FSIP2: variants seen among roughly 807,000 people sequenced by gnomAD.
The protein encoded by FSIP2 is fibrous sheath interacting protein 2, also known as fibrous sheath-interacting protein 2.
In FSIP2, 367 loss-of-function variants were observed where a neutral mutation model predicts 510.5. That is an observed-to-expected ratio of 0.72 (90% CI 0.66 to 0.78). FSIP2 has a LOEUF of 0.78. Ranked by LOEUF, FSIP2 falls within the 30% of genes least tolerant of loss-of-function variation. FSIP2 has a pLI of 0.00. For synonymous variants in FSIP2, 2,601 were observed against 2,732.2 expected, an observed-to-expected ratio of 0.95 and a Z score of 1.50; for missense variants, 7,594 against 7,901.7, an observed-to-expected ratio of 0.96 and a Z score of 1.48.
intron 7 of FSIP2, among the ~76,000 whole-genome samples, chr2:185,748,105 T>C (rs1692070792): frequency 6.6e-6 from 1 of 151,980 alleles, no homozygotes; most frequent in African/African-American, 2.4e-5. Context: ...TTGGTTTGTA[T>C]TGACATATAC....
intron 3 of FSIP2, 44 bp downstream of exon 3, chr2:185,743,338 A>T (rs996550967): frequency 7.5e-7 from 1 of 1,325,488 alleles, no homozygotes; most frequent in Non-Finnish European, 1.0e-6. Flanking sequence ...GAAACCCTTT[A>T]AAACTTGATA....
rs1221972257 is a variant in FSIP2 at position 185,799,895 on chromosome 2, T to C, written c.10589T>C (p.Ile3530Thr). Residue 3530 changes from isoleucine to threonine, a missense_variant, in exon 17 of 23, where the codon ATT becomes ACT. Physicochemically the swap from Ile to Thr is moderately conservative, Grantham distance 89. Coordinates refer to ENST00000424728, the MANE Select transcript of FSIP2 (RefSeq NM_173651.4). ...AGAGAAAAAGAGAAAGCATGGGAAA[T>C]TCAAGAAGCAACATTTAGCAAGATT... ...KGREKEKAWE[I>T]QEATFSKIIS... 6.5e-7 allele frequency: 1 copy of C among 1,533,760 alleles called. No individual in the cohort carries two copies. The highest frequency in any genetic ancestry group is 1.2e-5 in the South Asian group (1 of 83,858).
In FSIP2 at chr2:185,808,673, G is replaced by C. The variant is rs369562021; in HGVS notation, c.19367G>C (p.Ser6456Thr). 12 of 1,607,314 alleles carry C rather than the reference G, an allele frequency of 7.5e-6. No homozygotes were observed. The highest frequency in any genetic ancestry group is 1.0e-5 in the Non-Finnish European group (12 of 1,177,476). ...ACAGCCTTTCCTAAAAAAGTGGCTA[G>C]TTTAATTATTGATGGAGTTTCAAGT... ...TNTAFPKKVA[S>T]LIIDGVSSFP... The change falls in exon 17 of 23, where the codon AGT becomes ACT. Residue 6456 changes from serine to threonine, a missense_variant. Physicochemically the swap from Ser to Thr is moderately conservative, Grantham distance 58. Transcript: ENST00000424728.
In FSIP2 at chr2:185,791,514, C is replaced by A. The variant is rs530869525; in HGVS notation, c.4378C>A (p.Gln1460Lys). Residue 1460 changes from glutamine (Q) to lysine (K), a missense_variant, in exon 16 of 23, where the codon CAA (glutamine) becomes AAA (lysine). Transcript: ENST00000424728. ...THLHSQLSCS[Q>K]QSREMTNKNQ... ...TCTTCATTCTCAGCTATCTTGTAGTCAACAAAGCAGAGAGATGACCAATAA... is the reference window on the plus strand; with the variant it reads ...TCTTCATTCTCAGCTATCTTGTAGTAAACAAAGCAGAGAGATGACCAATAA... 6.5e-7 allele frequency: 1 copy of A among 1,534,320 alleles called. No homozygotes were observed. Among genetic ancestry groups the A allele is most frequent in the South Asian group, 1.2e-5 (1 of 84,012 alleles).
At chr2:185,739,301 T>C (rs1044529166) in intron 1 of FSIP2, 45 bp from the exon 2 acceptor site, 33 of 1,490,426 alleles carry the variant, frequency 2.2e-5, no homozygotes, top group East Asian at 5.0e-5. Context: ...ACTAAACTAA[T>C]ACTGCCTAAA....
At chr2:185,817,078 T>C (rs902975210) in intron 19 of FSIP2, among the ~76,000 whole-genome samples, 1 of 151,856 alleles carries the variant, frequency 6.6e-6, no homozygotes, top group Non-Finnish European at 1.5e-5. Flanking sequence ...TTAAAAAAAA[T>C]CTGTGAAGTT....
At chr2:185,770,744 A>T (rs979907597) in intron 13 of FSIP2, among the ~76,000 whole-genome samples, 1 of 152,192 alleles carries the variant, frequency 6.6e-6, no homozygotes, top group Admixed American at 6.6e-5. Context: ...CCTTCCCAAT[A>T]GTCCCCCCAA....
Position 185,791,494 on chromosome 2 carries a change from A to C in FSIP2, c.4358A>C (p.His1453Pro), listed in dbSNP as rs1425134502. 3.3e-6 allele frequency: 5 copies of C among 1,534,356 alleles called. No homozygotes were observed. In the East Asian group the frequency reaches 1.2e-4, roughly 38 times the overall value. The change falls in exon 16 of 23, where the codon CAT (histidine) becomes CCT (proline). Residue 1453 changes from histidine to proline, a missense_variant. His to Pro is a moderately conservative substitution (Grantham distance 77). Transcript: ENST00000424728. Reference sequence around the variant, plus strand: ...AGCAAGCTCCTGGGGACCCATCTTCATTCTCAGCTATCTTGTAGTCAACAA... The same window carrying C: ...AGCAAGCTCCTGGGGACCCATCTTCCTTCTCAGCTATCTTGTAGTCAACAA... Reference protein sequence around the residue: ...MLSKLLGTHLHSQLSCSQQSR... With the variant: ...MLSKLLGTHLPSQLSCSQQSR...
At position 185,802,669 on chromosome 2, in the gene FSIP2, C is replaced by T; in HGVS notation, c.13363C>T (p.Gln4455Ter). The part of the protein sequence containing the change: ...SNISKSTEPS[Q>*]SVPLYNTLLP... ...CATCAGTAAATCTACTGAGCCAAGC[C>T]AGAGTGTACCTCTATATAACACCTT... The change falls in exon 17 of 23, where the codon CAG (glutamine) becomes TAG (stop). Residue 4455 changes from glutamine to a stop codon, truncating the protein, a stop_gained. Transcript: ENST00000424728. LOFTEE classifies it high-confidence loss of function. 6.5e-7 allele frequency: 1 copy of T among 1,533,554 alleles called. No homozygotes were observed. Among genetic ancestry groups the T allele is most frequent in the Non-Finnish European group, 8.7e-7 (1 of 1,145,274 alleles). 95.0% of individuals were successfully genotyped at this position (1,533,554 alleles called of 1,614,324 possible).
At chr2:185,754,306 CTTTA>C (rs1156301306) in intron 8 of FSIP2, among the ~76,000 whole-genome samples, 2 of 151,408 alleles carry the variant, frequency 1.3e-5, no homozygotes, top group Non-Finnish European at 3.0e-5. Context: ...TACCAGCTTC[CTTTA>C]TTTATAACAT....
chr2:185,781,227 T>C (rs1692842713), intron 13 of FSIP2, among the ~76,000 whole-genome samples: 2 of 152,296 alleles, frequency 1.3e-5, no homozygotes, highest in Admixed American at 6.5e-5. Flanking sequence ...TATACAACCA[T>C]TCCGTTTTTC....
At position 185,767,331 on chromosome 2, in the gene FSIP2, T is replaced by A. The variant is rs10185775; in HGVS notation, c.1411+2766T>A. ...CTTAAAGTATAATAAAAAATAAAAA[T>A]AAAAAAATAAAAAATAAAAAAAAGA... On this transcript the variant is annotated intron_variant, in intron 13 of 22. Coordinates refer to ENST00000424728, the MANE Select transcript of FSIP2 (RefSeq NM_173651.4). 6.1e-3 allele frequency among the ~76,000 whole-genome samples: 928 copies of A among 151,114 alleles called. 10 individuals are homozygous for A. The highest frequency in any genetic ancestry group is 0.021 in the African/African-American group (856 of 41,206).
Position 185,794,973 on chromosome 2 carries a change from A to G in FSIP2, c.7837A>G (p.Ile2613Val). Residue 2613 changes from isoleucine (I) to valine (V), a missense_variant, in exon 16 of 23, where the codon ATC becomes GTC. Coordinates refer to ENST00000424728, the MANE Select transcript of FSIP2 (RefSeq NM_173651.4). ...QAYSYVDSQN[I>V]SVMENTLLPY... The stretch of plus-strand genomic sequence containing the variant: ...TTATTCTTATGTCGACAGTCAAAAT[A>G]TCTCTGTGATGGAAAACACTCTTTT... The G allele has an allele frequency of 6.5e-7, 1 of 1,533,732 alleles. No individual in the cohort carries two copies.
chr2:185,820,055 G>A (rs1279649410), intron 19 of FSIP2, among the ~76,000 whole-genome samples: 1 of 151,900 alleles, frequency 6.6e-6, no homozygotes, highest in African/African-American at 2.4e-5. Flanking sequence ...AATAGAGGAT[G>A]TTGATATGGT....
intron 9 of FSIP2, among the ~76,000 whole-genome samples, chr2:185,757,106 A>C (rs1454710588): frequency 6.6e-6 from 1 of 151,366 alleles, no homozygotes; most frequent in Non-Finnish European, 1.5e-5. Flanking sequence ...ACAACTGGCA[A>C]ATTTATGGCA....
rs1693238802 is a variant in FSIP2, at chr2:185,795,199, A to T, written c.8063A>T (p.Lys2688Met). 8 of 1,534,982 alleles carry T rather than the reference A, an allele frequency of 5.2e-6. No individual in the cohort carries two copies. The highest frequency in any genetic ancestry group is 6.1e-6 in the Non-Finnish European group (7 of 1,146,200). Residue 2688 changes from lysine (K) to methionine (M), a missense_variant, in exon 16 of 23, where the codon AAG (lysine) becomes ATG (methionine). By Grantham distance (95) the Lys-to-Met change is moderately conservative. Coordinates refer to ENST00000424728, the MANE Select transcript of FSIP2 (RefSeq NM_173651.4). ...KKTHLGLSAA[K>M]AKSKTKLGPG... ...ACACACTTAGGACTGAGTGCTGCTAAGGCCAAAAGCAAAACCAAGTTAGGT... is the reference window on the plus strand; with the variant it reads ...ACACACTTAGGACTGAGTGCTGCTATGGCCAAAAGCAAAACCAAGTTAGGT...
At position 185,802,880 on chromosome 2, in the gene FSIP2, C is replaced by T. The variant is rs1464404902; in HGVS notation, c.13574C>T (p.Ser4525Leu). Residue 4525 changes from serine to leucine, a missense_variant, in exon 17 of 23, where the codon TCA becomes TTA. Transcript: ENST00000424728. Reference protein sequence around the residue: ...MKVSQHEIRFSKEEEETKFIY... With the variant: ...MKVSQHEIRFLKEEEETKFIY... Reference sequence around the variant, plus strand: ...GTTTCCCAACATGAAATTCGATTTTCAAAAGAGGAAGAAGAAACCAAGTTT... The same window carrying T: ...GTTTCCCAACATGAAATTCGATTTTTAAAAGAGGAAGAAGAAACCAAGTTT... 2 of 1,497,862 alleles carry T rather than the reference C, an allele frequency of 1.3e-6. No homozygotes were observed. The highest frequency in any genetic ancestry group is 2.8e-5 in the African/African-American group (2 of 70,822). 92.8% of individuals were successfully genotyped at this position (1,497,862 alleles called of 1,614,324 possible).
intron 13 of FSIP2, chr2:185,766,405 C>T (rs1162442869): frequency 2.1e-4 from 31 of 147,518 alleles, no homozygotes; most frequent in African/African-American, 7.2e-4. Flanking sequence ...AGAAAATTTT[C>T]GCAACCTACT....
Position 185,797,292 on chromosome 2 carries a change from G to C in FSIP2, c.10156G>C (p.Asp3386His). 1 of 1,532,338 alleles carries C rather than the reference G, an allele frequency of 6.5e-7. No homozygotes were observed. The highest frequency in any genetic ancestry group is 1.2e-5 in the South Asian group (1 of 83,446). The allele number at this position is 1,532,338 out of a possible 1,614,324, so 94.9% of individuals were successfully genotyped here. Residue 3386 changes from aspartate (D) to histidine (H), a missense_variant, in exon 16 of 23, where the codon GAT (aspartate) becomes CAT (histidine). By Grantham distance (81) the Asp-to-His change is moderately conservative. Transcript: ENST00000424728. ...CGAAAAAAGTTTGCTTAGAATGCAG[G>C]ATAAAAAAATCAACTATATACCTGA... ...DNEKSLLRMQ[D>H]KKINYIPEEE...
Sources: gnomAD v4.1 joint callset for allele counts (sites outside exome capture counted in the v4.1 genomes callset) on GRCh38, gnomAD v4.1.1 for gene constraint, MANE v1.5 for transcripts, NCBI Gene and HGNC (gene_info 2026-07-23, HGNC 2026-07-21) for gene names.